Variants in SGK3 observed in about 807,000 individuals in gnomAD.
SGK3 encodes serine/threonine-protein kinase Sgk3.
In SGK3, 47 loss-of-function variants were observed where a neutral mutation model predicts 68.5. The observed-to-expected ratio is 0.69, with a 90% confidence interval of 0.54 to 0.87. SGK3 has a LOEUF of 0.87. Ranked by LOEUF, SGK3 falls within the 40% of genes least tolerant of loss-of-function variation. The probability of loss-of-function intolerance (pLI) is 0.00; values close to 1 mark genes in which losing one functional copy is unlikely to be tolerated. For synonymous variants in SGK3, 181 were observed against 189.1 expected (o/e 0.96, Z 0.35); for missense variants, 479 against 575.5 (o/e 0.83, Z 1.72).
intron 1 of SGK3, among the ~76,000 whole-genome samples, chr8:66,779,258 A>G (rs952615305): frequency 1.3e-5 from 2 of 152,086 alleles, no homozygotes; most frequent in Admixed American, 6.6e-5. Context: ...TTATATTACA[A>G]GCATATCCTT....
At chr8:66,715,867 C>T (rs1274015900) in intron 1 of SGK3, among the ~76,000 whole-genome samples, 2 of 152,116 alleles carry the variant, frequency 1.3e-5, no homozygotes, top group African/African-American at 4.8e-5. Context: ...TGGCCTTTCC[C>T]ATGAGGTGTA....
At chr8:66,840,993 T>C in intron 12 of SGK3, 31 bp from the exon 13 acceptor site, 2 of 1,487,584 alleles carry the variant, frequency 1.3e-6, no homozygotes, top group Non-Finnish European at 1.8e-6. Flanking sequence ...ATTTATGCAT[T>C]GTTTTATCTT....
At chr8:66,738,341 C>A (rs531113037) in intron 1 of SGK3, among the ~76,000 whole-genome samples, 1 of 152,106 alleles carries the variant, frequency 6.6e-6, no homozygotes, top group African/African-American at 2.4e-5. Flanking sequence ...AATTGTGACA[C>A]CCCCCATTCT....
chr8:66,767,744 A>G, intron 1 of SGK3: 1 of 1,566,290 alleles, frequency 6.4e-7, no homozygotes, highest in Non-Finnish European at 8.8e-7. Flanking sequence ...TTGGCAGAAA[A>G]GCTTGGCTGT....
At chr8:66,802,119 A>G (rs1000555167) in intron 3 of SGK3, among the ~76,000 whole-genome samples, 2 of 151,510 alleles carry the variant, frequency 1.3e-5, no homozygotes, top group African/African-American at 4.9e-5. Flanking sequence ...TTATTTCATC[A>G]CTTTCTATGT....
intron 1 of SGK3, among the ~76,000 whole-genome samples, chr8:66,715,273 T>G (rs1804599717): frequency 6.6e-6 from 1 of 152,182 alleles, no homozygotes; most frequent in Non-Finnish European, 1.5e-5. Context: ...TTGTTTTTTT[T>G]TTGAGACAGA....
chr8:66,762,997 TTA>T (rs1806218011), intron 1 of SGK3, among the ~76,000 whole-genome samples: 1 of 152,280 alleles, frequency 6.6e-6, no homozygotes, highest in Non-Finnish European at 1.5e-5. Context: ...AGTGCTCTTT[TTA>T]TGAGATAAGC....
intron 1 of SGK3, among the ~76,000 whole-genome samples, chr8:66,790,015 T>G (rs1311585656): frequency 2.0e-5 from 3 of 151,870 alleles, no homozygotes; most frequent in Non-Finnish European, 4.4e-5. Context: ...GAGGTGGAGG[T>G]TACAGTGAGC....
At chr8:66,796,355 A>T (rs1186373834) in intron 2 of SGK3, among the ~76,000 whole-genome samples, 16 of 62,844 alleles carry the variant, frequency 2.5e-4, no homozygotes, top group Admixed American at 1.1e-3. Flanking sequence ...TTTTTTTTAG[A>T]AGGGACTGGG....
chr8:66,787,202 A>G (rs111380433), intron 1 of SGK3, among the ~76,000 whole-genome samples: 3,917 of 152,096 alleles, frequency 0.026, 181 homozygotes, highest in African/African-American at 0.089. Context: ...TCAGCCTCCG[A>G]AAGTGCTGGG....
At chr8:66,842,852 T>C (rs1431960605) in intron 13 of SGK3, among the ~76,000 whole-genome samples, 1 of 152,106 alleles carries the variant, frequency 6.6e-6, no homozygotes, top group Admixed American at 6.6e-5. Context: ...GCAGATTGCT[T>C]GAGCCCAGAA....
At chr8:66,793,862 A>G in intron 2 of SGK3, 30 bp downstream of exon 2, 3 of 1,600,894 alleles carry the variant, frequency 1.9e-6, no homozygotes, top group Non-Finnish European at 2.6e-6. Flanking sequence ...CATGTGGGAA[A>G]AAAGTTGAAT....
chr8:66,798,327 A>G (rs1807784997), intron 2 of SGK3, among the ~76,000 whole-genome samples: 1 of 152,032 alleles, frequency 6.6e-6, no homozygotes, highest in Non-Finnish European at 1.5e-5. Context: ...ATTTGACAAG[A>G]TTCAATAAGT....
Position 66,751,118 on chromosome 8 carries a change from G to A in SGK3, c.-122+38285G>A, listed in dbSNP as rs191313559. 2.6e-3 allele frequency among the ~76,000 whole-genome samples: 396 copies of A among 152,002 alleles called. 6 individuals carry two copies. Among genetic ancestry groups the A allele is most frequent in the African/African-American group, 8.9e-3 (371 of 41,470 alleles). On this transcript the variant is annotated intron_variant, in intron 1 of 16. Transcript: ENST00000521198. ...ATCGAGACCATCCTAGCTAACACAC[G>A]GTGAAACCCTGTCTCTACTAAAAAT...
intron 1 of SGK3, among the ~76,000 whole-genome samples, chr8:66,725,052 C>G (rs978083773): frequency 1.3e-5 from 2 of 152,018 alleles, no homozygotes; most frequent in African/African-American, 4.8e-5. Context: ...TGGTGAAACC[C>G]CATCTCTACT....
intron 16 of SGK3, among the ~76,000 whole-genome samples, chr8:66,855,044 T>C (rs2130758064): frequency 6.6e-6 from 1 of 152,266 alleles, no homozygotes; most frequent in Non-Finnish European, 1.5e-5. Flanking sequence ...GCACCTGTGG[T>C]CACACCTATT....
Position 66,784,805 on chromosome 8 carries a change from A to G in SGK3, c.-121-8811A>G, listed in dbSNP as rs142839735. 1.8e-3 allele frequency among the ~76,000 whole-genome samples: 279 copies of G among 152,280 alleles called. 10 individuals are homozygous for G. The East Asian group carries it at 0.049, about 27-fold the overall frequency. On this transcript the variant is annotated intron_variant, in intron 1 of 16. Transcript: ENST00000521198. ...AATTTTTTATCATAGCGTTTCACCC[A>G]TATTGCTATTTTTTTACAGACCCCA...
intron 1 of SGK3, among the ~76,000 whole-genome samples, chr8:66,773,734 A>G (rs984476138): frequency 3.3e-5 from 5 of 152,198 alleles, no homozygotes; most frequent in Non-Finnish European, 7.3e-5. Flanking sequence ...CATCTGCAGC[A>G]TGGACAAACT....
At chr8:66,723,131 A>ATAATTTT (rs1554591219) in intron 1 of SGK3, among the ~76,000 whole-genome samples, 1 of 29,496 alleles carries the variant, frequency 3.4e-5, no homozygotes, top group Non-Finnish European at 5.9e-5. Context: ...ATATATATAT[A>ATAATTTT]TTTTTTTTTT....
Sources: allele counts gnomAD v4.1 joint callset (sites outside exome capture counted in the v4.1 genomes callset), GRCh38; gene constraint gnomAD v4.1.1; transcripts MANE v1.5; gene names NCBI Gene and HGNC (gene_info 2026-07-23, HGNC 2026-07-21).